TMBIM6: variants seen among roughly 807,000 people sequenced by gnomAD.
TMBIM6 encodes the protein transmembrane BAX inhibitor motif containing 6.
Under a neutral mutation model 31.4 loss-of-function variants are expected in TMBIM6, and 13 were observed. The observed-to-expected ratio is 0.41, with a 90% CI of 0.27 to 0.66. The LOEUF is 0.66. Among genes scored for constraint, TMBIM6 ranks in the 30% least tolerant of loss-of-function variants. The pLI is 0.28. For missense variants in TMBIM6, 275 were observed against 289.5 expected (o/e 0.95, Z 0.36); for synonymous variants, 85 against 101.7 (o/e 0.84, Z 0.99).
intron 1 of TMBIM6, among the ~76,000 whole-genome samples, chr12:49,749,016 C>G (rs1159991972): frequency 6.6e-6 from 1 of 152,136 alleles, no homozygotes; most frequent in Non-Finnish European, 1.5e-5. Flanking sequence ...ATGGAAAATA[C>G]TTGATATGAG....
At chr12:49,745,296 A>T (rs549041087) in intron 1 of TMBIM6, among the ~76,000 whole-genome samples, 1 of 152,238 alleles carries the variant, frequency 6.6e-6, no homozygotes, top group South Asian at 2.1e-4. Flanking sequence ...CCTGTGGGAC[A>T]AGAGAGATAG....
rs985470635 is a variant in TMBIM6, at chr12:49,742,393, G to A, written c.-31+782G>A. 5.8e-6 allele frequency: 8 copies of A among 1,370,904 alleles called. No individual in the cohort carries two copies. The African/African-American group carries it at 1.0e-4, about 18-fold the overall frequency. 84.9% of individuals were successfully genotyped at this position (1,370,904 alleles called of 1,614,324 possible). A position where few individuals can be genotyped will look rare whatever the true frequency, so the allele number is the denominator to read the frequency against. On this transcript the variant is annotated intron_variant, in intron 1 of 9. Coordinates refer to ENST00000267115, the MANE Select transcript of TMBIM6 (RefSeq NM_003217.3). ...TCTTGGGCCTACTTGCTGGACCTGT[G>A]GTAACAAGTAGGCTTTGGTATCTTT...
At chr12:49,756,023 C>T (rs553301296) in intron 4 of TMBIM6, among the ~76,000 whole-genome samples, 13 of 151,944 alleles carry the variant, frequency 8.6e-5, no homozygotes, top group Admixed American at 7.2e-4. Context: ...TTAGTAGAGA[C>T]GGGGTTTCAT....
chr12:49,748,967 T>C (rs1321035975), intron 1 of TMBIM6, among the ~76,000 whole-genome samples: 1 of 152,230 alleles, frequency 6.6e-6, no homozygotes, highest in African/African-American at 2.4e-5. Context: ...TGGTACTGAA[T>C]ATAATACTTC....
intron 1 of TMBIM6, among the ~76,000 whole-genome samples, chr12:49,747,861 A>G (rs928935665): frequency 2.0e-5 from 3 of 151,968 alleles, no homozygotes; most frequent in Admixed American, 6.6e-5. Flanking sequence ...TGTAGCTCCT[A>G]GGTGTGTGGG....
intron 9 of TMBIM6, 173 bp downstream of exon 9, chr12:49,761,952 G>C: frequency 1.6e-6 from 1 of 619,530 alleles, no homozygotes; most frequent in Admixed American, 3.6e-5. Flanking sequence ...AAAAAAAGCA[G>C]CAAGTGAAAA....
Position 49,748,061 on chromosome 12 carries a change from G to A in TMBIM6, c.-30-4403G>A, listed in dbSNP as rs140324504. ...TGGGACTATAGGTGCCCGCCATCACGCCCAGCTAATTTTTGTATTTTTAGT... is the reference window on the plus strand; with the variant it reads ...TGGGACTATAGGTGCCCGCCATCACACCCAGCTAATTTTTGTATTTTTAGT... On this transcript the variant is annotated intron_variant, in intron 1 of 9. Coordinates refer to ENST00000267115, the MANE Select transcript of TMBIM6 (RefSeq NM_003217.3). Among the ~76,000 whole-genome samples the A allele has an allele frequency of 9.2e-3, 1,402 of 152,128 alleles. 14 individuals carry two copies. The highest frequency in any genetic ancestry group is 0.015 in the Non-Finnish European group (994 of 67,990).
intron 8 of TMBIM6, among the ~76,000 whole-genome samples, chr12:49,760,725 GA>G (rs1364028421): frequency 6.6e-6 from 1 of 151,696 alleles, no homozygotes; most frequent in African/African-American, 2.4e-5. Flanking sequence ...TTAGTAGAAC[GA>G]GGTTTTGCCA....
Position 49,763,912 on chromosome 12 carries a change from G to A in TMBIM6, c.*1016G>A, listed in dbSNP as rs959722078. On this transcript the variant is annotated 3_prime_UTR_variant, in exon 10 of 10. Transcript: ENST00000267115. ...AGTTCCTCATTCACATCAACAGAGC[G>A]AGGCTGTGATAACTTAGGAGGCAGC... 3.9e-5 allele frequency: 6 copies of A among 152,230 alleles called. No individual in the cohort carries two copies. The highest frequency in any genetic ancestry group is 1.9e-4 in the East Asian group (1 of 5,196). The allele number at this position is 152,230 out of a possible 1,614,324, so 9.4% of individuals were successfully genotyped here.
rs1267171288 is a variant in TMBIM6 at position 49,752,647 on chromosome 12, A to G, written c.56+98A>G. The G allele has an allele frequency of 2.8e-6, 3 of 1,057,098 alleles. No individual in the cohort carries two copies. In the African/African-American group the frequency reaches 4.7e-5, roughly 17 times the overall value. 65.5% of individuals were successfully genotyped at this position (1,057,098 alleles called of 1,614,324 possible). ...TAACTTTTGTGTGTATAAGCTAACA[A>G]ATTAACTTGGCCAGAATCCAGAGGA... On this transcript the variant is annotated intron_variant, in intron 2 of 9. Transcript: ENST00000267115.
At chr12:49,747,404 G>A (rs960700994) in intron 1 of TMBIM6, among the ~76,000 whole-genome samples, 2 of 152,106 alleles carry the variant, frequency 1.3e-5, no homozygotes, top group African/African-American at 2.4e-5. Context: ...AAATTCCTGG[G>A]CTCAAGCAAT....
intron 1 of TMBIM6, chr12:49,742,742 T>A (rs1322546974): frequency 6.5e-6 from 1 of 153,492 alleles, no homozygotes; most frequent in African/African-American, 2.4e-5. Flanking sequence ...ATGACCTGCG[T>A]ATACACACTT....
rs1176638094 is a variant in TMBIM6 at position 49,764,415 on chromosome 12, A to G, written c.*1519A>G. 4 of 152,162 alleles carry G rather than the reference A, an allele frequency of 2.6e-5. No individual in the cohort carries two copies. The highest frequency in any genetic ancestry group is 5.9e-5 in the Non-Finnish European group (4 of 68,020). The allele number at this position is 152,162 out of a possible 1,614,324, so 9.4% of individuals were successfully genotyped here. On this transcript the variant is annotated 3_prime_UTR_variant, in exon 10 of 10. Transcript: ENST00000267115. ...CCATGTCACTGTGCTATCCTACGAAATCATTTGTTTCTAAGTTGTGTTTAT... is the reference window on the plus strand; with the variant it reads ...CCATGTCACTGTGCTATCCTACGAAGTCATTTGTTTCTAAGTTGTGTTTAT...
chr12:49,764,763 C>G lies in TMBIM6; in HGVS notation c.*1867C>G, dbSNP rs1945788251. 1 of 150,408 alleles carries G rather than the reference C, an allele frequency of 6.6e-6. No homozygotes were observed. The highest frequency in any genetic ancestry group is 1.5e-5 in the Non-Finnish European group (1 of 67,576). 9.3% of individuals were successfully genotyped at this position (150,408 alleles called of 1,614,324 possible). The stretch of plus-strand genomic sequence containing the variant: ...AAACACCTACTTTTAAAGAAAATAC[C>G]TAACAGATTTTTAATATAGTTATCT... On this transcript the variant is annotated 3_prime_UTR_variant, in exon 10 of 10. Coordinates refer to ENST00000267115, the MANE Select transcript of TMBIM6 (RefSeq NM_003217.3).
chr12:49,749,948 G>A (rs192627837), intron 1 of TMBIM6: 2 of 152,150 alleles, frequency 1.3e-5, no homozygotes, highest in East Asian at 3.9e-4. Flanking sequence ...ATAATATTTG[G>A]TAGTTACATG....
intron 4 of TMBIM6, among the ~76,000 whole-genome samples, chr12:49,756,799 C>T (rs1306269523): frequency 1.3e-5 from 2 of 150,046 alleles, no homozygotes; most frequent in Non-Finnish European, 3.0e-5. Context: ...TGCAGTGGCA[C>T]GATCTTGGCT....
In TMBIM6 at chr12:49,752,949, C is replaced by A. The variant is rs775842099; in HGVS notation, c.57-24C>A. On this transcript the variant is annotated intron_variant, in intron 2 of 9. Transcript: ENST00000267115. ...TATGAGATTGATCTGGGACTGATTGCTCTTATTCACATTCTTTTCTTAGAA... is the reference window on the plus strand; with the variant it reads ...TATGAGATTGATCTGGGACTGATTGATCTTATTCACATTCTTTTCTTAGAA... 2.5e-6 allele frequency: 4 copies of A among 1,602,282 alleles called. No homozygotes were observed. In the South Asian group the frequency reaches 3.3e-5, roughly 13 times the overall value.
intron 1 of TMBIM6, chr12:49,743,629 G>A (rs1181753398): frequency 6.6e-6 from 1 of 152,090 alleles, no homozygotes; most frequent in African/African-American, 2.4e-5. Flanking sequence ...TATAGTTCGC[G>A]CTCTTTATAC....
At chr12:49,759,018 T>C (rs953401629) in intron 7 of TMBIM6, 12 of 627,854 alleles carry the variant, frequency 1.9e-5, no homozygotes, top group African/African-American at 3.7e-5. Flanking sequence ...TTAAAATGAT[T>C]GAAACTCTTC....
Sources: allele counts gnomAD v4.1 joint callset (sites outside exome capture counted in the v4.1 genomes callset), GRCh38; gene constraint gnomAD v4.1.1; transcripts MANE v1.5; gene names NCBI Gene and HGNC (gene_info 2026-07-23, HGNC 2026-07-21).